Variants in FAM13B observed in about 807,000 individuals in gnomAD.
The protein encoded by FAM13B is protein FAM13B.
In FAM13B, 60 loss-of-function variants were observed where a neutral mutation model predicts 117.3. The ratio of observed to expected loss-of-function variants is 0.51; its 90% confidence interval spans 0.42 to 0.63. The LOEUF is 0.63. FAM13B is among the 30% of genes least tolerant of loss of function. FAM13B has a pLI of 0.00. For missense variants in FAM13B, 972 were observed against 1,091.9 expected, an observed-to-expected ratio of 0.89 and a Z score of 1.55; for synonymous variants, 332 against 356.1, an observed-to-expected ratio of 0.93 and a Z score of 0.76.
intron 1 of FAM13B, among the ~76,000 whole-genome samples, chr5:138,022,740 C>A (rs1451998205): frequency 6.6e-6 from 1 of 152,010 alleles, no homozygotes; most frequent in Non-Finnish European, 1.5e-5. Flanking sequence ...AAACTCACTA[C>A]AAAAGTCTGT....
intron 10 of FAM13B, among the ~76,000 whole-genome samples, chr5:137,982,545 A>AACC (rs60650287): frequency 0.31 from 47,616 of 151,684 alleles, 7,666 homozygotes; most frequent in South Asian, 0.38. Flanking sequence ...CAACAACAAC[A>AACC]ACCTTCATTC....
chr5:138,031,450 G>A (rs894413019), intron 1 of FAM13B, among the ~76,000 whole-genome samples: 10 of 152,214 alleles, frequency 6.6e-5, no homozygotes, highest in Non-Finnish European at 1.3e-4. Flanking sequence ...AACTCTGGGA[G>A]GCTGAGGCAG....
At chr5:138,000,604 G>A (rs572371371) in intron 7 of FAM13B, among the ~76,000 whole-genome samples, 29 of 152,104 alleles carry the variant, frequency 1.9e-4, no homozygotes, top group Admixed American at 5.9e-4. Flanking sequence ...AATCCACGAG[G>A]TCATAAATAG....
At chr5:138,031,622 T>C (rs753979463) in intron 1 of FAM13B, among the ~76,000 whole-genome samples, 6 of 150,454 alleles carry the variant, frequency 4.0e-5, no homozygotes, top group Non-Finnish European at 1.5e-5. Context: ...GAGGAGGAGG[T>C]TGCAGTGAAC....
In FAM13B at chr5:138,011,929, A is replaced by T. The variant is rs761213743; in HGVS notation, c.387T>A (p.Asp129Glu). The change falls in exon 5 of 24, where the codon GAT (aspartate) becomes GAA (glutamate). Residue 129 changes from aspartate to glutamate, a missense_variant. Coordinates refer to ENST00000689681, the MANE Select transcript of FAM13B (RefSeq NM_001385994.1). ...GGAACCTCAACTTTCTTCCAAATTC[A>T]TCTTCATTATTATAATCTATAAAAC... ...MQLSQDYNNE[D>E]EFGRKLRFLL... 4 of 1,584,416 alleles carry T rather than the reference A, an allele frequency of 2.5e-6. No homozygotes were observed. Among genetic ancestry groups the T allele is most frequent in the Non-Finnish European group, 3.4e-6 (4 of 1,168,748 alleles).
intron 22 of FAM13B, 147 bp from the exon 23 acceptor site, chr5:137,942,192 G>C (rs1054775370): frequency 3.1e-6 from 2 of 645,176 alleles, no homozygotes; most frequent in South Asian, 2.0e-5. Flanking sequence ...AATGAAATCA[G>C]AATAGCTGAA....
chr5:138,025,315 T>G (rs1395924659), intron 1 of FAM13B, among the ~76,000 whole-genome samples: 1 of 92,550 alleles, frequency 1.1e-5, no homozygotes, highest in Non-Finnish European at 2.4e-5. Flanking sequence ...ATATATGTAT[T>G]TTTTTTTTTT....
rs928154244 is a variant in FAM13B, at chr5:137,973,321, T to C, written c.1180-10852A>G. On this transcript the variant is annotated intron_variant, in intron 10 of 23. Coordinates refer to ENST00000689681, the MANE Select transcript of FAM13B (RefSeq NM_001385994.1). ...ATAATGCTGCATATCTACAACTATC[T>C]GATCTTTGACAAACCTGACAAAAAC... Among the ~76,000 whole-genome samples, 102 of 152,244 alleles carry C rather than the reference T, an allele frequency of 6.7e-4. 2 individuals are homozygous for C. The highest frequency in any genetic ancestry group is 2.8e-4 in the Non-Finnish European group (19 of 68,018).
intron 10 of FAM13B, among the ~76,000 whole-genome samples, chr5:137,980,591 C>T (rs1336469490): frequency 5.3e-5 from 8 of 151,952 alleles, no homozygotes; most frequent in African/African-American, 9.7e-5. Flanking sequence ...TACAGGCGTA[C>T]GCCACCTAGC....
chr5:137,962,348 T>G, intron 11 of FAM13B, 57 bp downstream of exon 11: 1 of 1,495,376 alleles, frequency 6.7e-7, no homozygotes, highest in Admixed American at 1.8e-5. Flanking sequence ...ACCTCAAAAA[T>G]CTGTGAAGAG....
intron 7 of FAM13B, among the ~76,000 whole-genome samples, chr5:138,006,023 C>A (rs190519177): frequency 7.2e-5 from 11 of 151,922 alleles, no homozygotes; most frequent in Non-Finnish European, 1.0e-4. Context: ...CTCAGCCTCC[C>A]GTGTAGCTGG....
intron 1 of FAM13B, among the ~76,000 whole-genome samples, chr5:138,042,908 A>G (rs1018588811): frequency 1.3e-5 from 2 of 152,120 alleles, no homozygotes; most frequent in East Asian, 1.9e-4. Context: ...CCTGGCTAAC[A>G]TGGTGAAACC....
At position 137,988,319 on chromosome 5, in the gene FAM13B, C is replaced by A; in HGVS notation, c.849-4G>T. The A allele has an allele frequency of 6.4e-7, 1 of 1,557,432 alleles. No individual in the cohort carries two copies. The highest frequency in any genetic ancestry group is 1.2e-5 in the South Asian group (1 of 81,296). Reference sequence around the variant, plus strand: ...GCTGATGGGAGATATATGGGTGCTGCAATCAAAGAAAGAAATTAGCTATAA... The same window carrying A: ...GCTGATGGGAGATATATGGGTGCTGAAATCAAAGAAAGAAATTAGCTATAA... On this transcript the variant is annotated splice_region_variant and splice_polypyrimidine_tract_variant and intron_variant, in intron 7 of 23. Coordinates refer to ENST00000689681, the MANE Select transcript of FAM13B (RefSeq NM_001385994.1).
Position 137,943,033 on chromosome 5 carries a change from T to C in FAM13B, c.2430A>G (p.Glu810=), listed in dbSNP as rs937626500. The C allele has an allele frequency of 4.3e-6, 7 of 1,612,632 alleles. No homozygotes were observed. Among genetic ancestry groups the C allele is most frequent in the Middle Eastern group, 1.6e-4 (1 of 6,078 alleles). The change falls in exon 22 of 24, where the codon GAA becomes GAG. Residue 810 remains glutamate (E), a synonymous_variant. Transcript: ENST00000689681. ...AGGACAGATTAACACCATCTTCTTC[T>C]TCCTCCTAAAAAGATATCCAAACAG... ...TAHFFEEIKE[E]EEDGVNLSSE... is the part of the protein sequence containing the mutation.
In FAM13B at chr5:137,959,656, A is replaced by C; in HGVS notation, c.1401T>G (p.His467Gln). 1.2e-6 allele frequency: 2 copies of C among 1,613,976 alleles called. No homozygotes were observed. The highest frequency in any genetic ancestry group is 1.7e-6 in the Non-Finnish European group (2 of 1,179,858). ...CATCAGAAACATTCTTCAGATCTAA[A>C]TGTGGAATACTGACACACGCTGCTT... ...QGEAACVSIP[H>Q]LDLKNVSDGD... The change falls in exon 13 of 24, where the codon CAT becomes CAG. Residue 467 changes from histidine (H) to glutamine (Q), a missense_variant. Transcript: ENST00000689681.
At chr5:137,984,395 C>T (rs1196031994) in intron 10 of FAM13B, among the ~76,000 whole-genome samples, 2 of 152,188 alleles carry the variant, frequency 1.3e-5, no homozygotes, top group Non-Finnish European at 2.9e-5. Flanking sequence ...ACTTTGCTTA[C>T]AGTGCTTTTC....
intron 7 of FAM13B, among the ~76,000 whole-genome samples, chr5:137,999,453 G>A (rs1306490728): frequency 6.6e-6 from 1 of 151,994 alleles, no homozygotes; most frequent in Admixed American, 6.6e-5. Context: ...GCACGCACCT[G>A]TAGTCCCAGC....
At chr5:138,049,041 A>T (rs999860876) in intron 1 of FAM13B, among the ~76,000 whole-genome samples, 2 of 150,666 alleles carry the variant, frequency 1.3e-5, no homozygotes, top group Admixed American at 1.3e-4. Context: ...TCCCAGGTTC[A>T]AGTGATTCTC....
intron 1 of FAM13B, among the ~76,000 whole-genome samples, chr5:138,045,417 G>A (rs1486814229): frequency 2.6e-5 from 4 of 151,522 alleles, no homozygotes; most frequent in East Asian, 1.9e-4. Context: ...ACCTGTAATC[G>A]CAGCTACTCA....
Sources: gnomAD v4.1 joint callset for allele counts (sites outside exome capture counted in the v4.1 genomes callset) on GRCh38, gnomAD v4.1.1 for gene constraint, MANE v1.5 for transcripts, NCBI Gene and HGNC (gene_info 2026-07-23, HGNC 2026-07-21) for gene names.